Variants in MAP7D2 observed in about 807,000 individuals in gnomAD.
MAP7D2 encodes the protein MAP7 domain containing 2.
MAP7D2 carries 33 observed loss-of-function variants against 63.5 expected under a neutral mutation model. That is an observed-to-expected ratio of 0.52 (90% confidence interval 0.39 to 0.70). MAP7D2 has a LOEUF of 0.70. MAP7D2 is among the 30% of genes least tolerant of loss of function. MAP7D2 has a pLI of 0.00. For synonymous variants in MAP7D2, 224 were observed against 223.7 expected, an observed-to-expected ratio of 1.00 and a Z score of -0.01; for missense variants, 626 against 604.0, an observed-to-expected ratio of 1.04 and a Z score of -0.38.
At chrX:20,071,273 C>A (rs1490100084) in intron 1 of MAP7D2, among the ~76,000 whole-genome samples, 1 of 112,343 alleles carries the variant, frequency 8.9e-6, no homozygotes, top group Non-Finnish European at 1.9e-5. Context: ...AATGGAATCA[C>A]CTGGAGAGCT....
chrX:20,069,278 C>T (rs1043758227), intron 1 of MAP7D2, among the ~76,000 whole-genome samples: 4 of 111,474 alleles, frequency 3.6e-5, no homozygotes, highest in Non-Finnish European at 5.6e-5. Context: ...ACGATCATTG[C>T]TCACTGCAGC....
At chrX:20,030,748 TAAGA>T (rs1180876453) in intron 8 of MAP7D2, among the ~76,000 whole-genome samples, 3 of 111,774 alleles carry the variant, frequency 2.7e-5, no homozygotes, top group African/African-American at 9.8e-5. Context: ...ACTTCCTAGA[TAAGA>T]AAGAGCAGCA....
chrX:20,059,769 A>G (rs1464826591), intron 3 of MAP7D2, among the ~76,000 whole-genome samples: 1 of 110,623 alleles, frequency 9.0e-6, no homozygotes, highest in Admixed American at 9.6e-5. Flanking sequence ...AAGGAAAGAT[A>G]GAAAGGAAGG....
chrX:20,047,594 T>C (rs1218319708), intron 6 of MAP7D2, among the ~76,000 whole-genome samples: 1 of 106,400 alleles, frequency 9.4e-6, no homozygotes, highest in African/African-American at 3.5e-5. Context: ...GGAGGATCGC[T>C]TGAGTCCCAG....
chrX:20,074,277 T>C (rs893270782), intron 1 of MAP7D2, among the ~76,000 whole-genome samples: 1 of 111,277 alleles, frequency 9.0e-6, no homozygotes, highest in Non-Finnish European at 1.9e-5. Flanking sequence ...GCTGCTCTCC[T>C]GGGAGAGAGG....
chrX:20,012,229 G>A lies in MAP7D2; in HGVS notation c.2072+120C>T, dbSNP rs2073225191. 4 of 523,325 alleles carry A rather than the reference G, an allele frequency of 7.6e-6. No homozygotes were observed. The South Asian group carries it at 1.8e-4, about 23-fold the overall frequency. 43.1% of individuals were successfully genotyped at this position (523,325 alleles called of 1,213,427 possible). Reference sequence around the variant, plus strand: ...ATGTTATACCACTGAGAGCTTTCCTGTAATGTCAATCAAACCTGCTTTAGG... The same window carrying A: ...ATGTTATACCACTGAGAGCTTTCCTATAATGTCAATCAAACCTGCTTTAGG... On this transcript the variant is annotated intron_variant, in intron 15 of 16. Coordinates refer to ENST00000379643, the MANE Select transcript of MAP7D2 (RefSeq NM_001168465.2).
chrX:20,115,194 T>TC (rs781011351), intron 1 of MAP7D2, among the ~76,000 whole-genome samples: 4 of 96,330 alleles, frequency 4.2e-5, no homozygotes, highest in African/African-American at 1.2e-4. Context: ...ATTAAGAATC[T>TC]CCCCCGCAAA....
chrX:20,046,964 T>A (rs1444892745), intron 6 of MAP7D2, among the ~76,000 whole-genome samples: 1 of 113,047 alleles, frequency 8.8e-6, no homozygotes, highest in African/African-American at 3.2e-5. Context: ...CTCTCCTTCC[T>A]GAAGGAAAAC....
Position 20,116,868 on chromosome X carries a change from G to T in MAP7D2, c.12C>A (p.Gly4=), listed in dbSNP as rs768087200. The T allele has an allele frequency of 1.8e-6, 2 of 1,138,687 alleles. No homozygotes were observed. The highest frequency in any genetic ancestry group is 5.6e-5 in the Admixed American group (2 of 35,555). 93.8% of individuals were successfully genotyped at this position (1,138,687 alleles called of 1,213,427 possible). Residue 4 remains glycine (G), a synonymous_variant, in exon 1 of 17, where the codon GGC becomes GGA. Coordinates refer to ENST00000379643, the MANE Select transcript of MAP7D2 (RefSeq NM_001168465.2). The part of the protein sequence containing the change: MER[G]GGGSGTGSRP... The stretch of plus-strand genomic sequence containing the variant: ...GGGATCCCGTCCCGGAGCCGCCGCC[G>T]CCGCGCTCCATCGGGATGCGCCGGC...
chrX:20,012,445 A>G lies in MAP7D2; in HGVS notation c.1976T>C (p.Leu659Pro), dbSNP rs370895646. ...ATGAATGAGTCCCCCAGCTGGCTTA[A>G]GCCCATTAGAGAAAATGTCTTGGGG... ...TYPQDIFSNGLKPAGGLIHLD... is the reference protein window; with the variant it reads ...TYPQDIFSNGPKPAGGLIHLD... Residue 659 changes from leucine (L) to proline (P), a missense_variant, in exon 15 of 17, where the codon CTT becomes CCT. Transcript: ENST00000379643. The G allele has an allele frequency of 1.7e-6, 2 of 1,207,641 alleles. No homozygotes were observed. Among genetic ancestry groups the G allele is most frequent in the Non-Finnish European group, 2.2e-6 (2 of 893,582 alleles).
intron 1 of MAP7D2, among the ~76,000 whole-genome samples, chrX:20,092,221 A>T (rs914935453): frequency 2.3e-4 from 26 of 111,147 alleles, no homozygotes; most frequent in African/African-American, 7.9e-4. Context: ...TGCCTTGTAT[A>T]CAGTAGGCTT....
At chrX:20,042,262 G>C (rs2064677590) in intron 8 of MAP7D2, among the ~76,000 whole-genome samples, 1 of 111,560 alleles carries the variant, frequency 9.0e-6, no homozygotes, top group Non-Finnish European at 1.9e-5. Context: ...AATGCTGAAT[G>C]CATCATCTTG....
intron 15 of MAP7D2, among the ~76,000 whole-genome samples, chrX:20,011,772 A>T (rs1414455649): frequency 8.9e-6 from 1 of 112,512 alleles, no homozygotes; most frequent in African/African-American, 3.2e-5. Context: ...AGCCCAGCCA[A>T]GGCTGGTTTT....
chrX:20,090,008 T>C (rs1036067275), intron 1 of MAP7D2, among the ~76,000 whole-genome samples: 1 of 111,706 alleles, frequency 9.0e-6, no homozygotes, highest in African/African-American at 3.3e-5. Flanking sequence ...CATTCCCTTT[T>C]GCCTCTTTAC....
chrX:20,018,982 G>T (rs978373463), intron 10 of MAP7D2, among the ~76,000 whole-genome samples: 2 of 110,198 alleles, frequency 1.8e-5, no homozygotes, highest in Admixed American at 1.9e-4. Context: ...CGCCCTTGCC[G>T]TCATTACTAA....
intron 12 of MAP7D2, among the ~76,000 whole-genome samples, chrX:20,014,088 T>C (rs2037451594): frequency 8.9e-6 from 1 of 112,384 alleles, no homozygotes; most frequent in Non-Finnish European, 1.9e-5. Context: ...ATCAGTCTGC[T>C]TAAACCCAAT....
chrX:20,039,726 G>C (rs763013877), intron 8 of MAP7D2, among the ~76,000 whole-genome samples: 1 of 111,210 alleles, frequency 9.0e-6, no homozygotes, highest in East Asian at 2.8e-4. Context: ...AAAAGCAGGT[G>C]AAGGTGGCTC....
At chrX:20,029,993 C>A (rs779975880) in intron 8 of MAP7D2, among the ~76,000 whole-genome samples, 153 of 112,159 alleles carry the variant, frequency 1.4e-3, no homozygotes, top group Non-Finnish European at 2.3e-3. Context: ...TGTCAGACTG[C>A]ACGGCTCTCT....
At chrX:20,094,455 T>C (rs2148499239) in intron 1 of MAP7D2, among the ~76,000 whole-genome samples, 1 of 82,084 alleles carries the variant, frequency 1.2e-5, no homozygotes, top group African/African-American at 4.0e-5. Flanking sequence ...TTATGAGACG[T>C]TTCAAGGAAT....
Sources: allele counts gnomAD v4.1 joint callset (sites outside exome capture counted in the v4.1 genomes callset), GRCh38; gene constraint gnomAD v4.1.1; transcripts MANE v1.5; gene names NCBI Gene and HGNC (gene_info 2026-07-23, HGNC 2026-07-21).